Variants in XYLT2 observed in about 807,000 individuals in gnomAD.
XYLT2 encodes UDP-D-xylose:proteoglycan core protein beta-D-xylosyltransferase.
XYLT2 carries 37 observed loss-of-function variants against 82.6 expected under a neutral mutation model. The ratio of observed to expected loss-of-function variants is 0.45; its 90% CI spans 0.34 to 0.59. The LOEUF (loss-of-function observed/expected upper bound fraction) is 0.59. XYLT2 is among the 20% of genes least tolerant of loss of function. The pLI is 0.01. For synonymous variants in XYLT2, 474 were observed against 499.0 expected, an observed-to-expected ratio of 0.95 and a Z score of 0.67; for missense variants, 934 against 1,181.3, an observed-to-expected ratio of 0.79 and a Z score of 3.07.
rs1353598617 is a variant in XYLT2 at position 50,360,562 on chromosome 17, C to CTT, written c.*278_*279dup. On this transcript the variant is annotated 3_prime_UTR_variant, in exon 11 of 11. Transcript: ENST00000017003. ...TCACCTTCCTGTCTAGTTTGAATTT[C>CTT]TTTTTTTTCTTTTTTTTTTTTTTTT... is the stretch of plus-strand genomic sequence containing the variant. 6.6e-5 allele frequency: 67 copies of CTT among 1,014,020 alleles called. No homozygotes were observed. Among genetic ancestry groups the CTT allele is most frequent in the Admixed American group, 8.9e-5 (1 of 11,238 alleles). 62.8% of individuals were successfully genotyped at this position (1,014,020 alleles called of 1,614,324 possible).
In XYLT2 at chr17:50,355,990, C is replaced by T; in HGVS notation, c.1298C>T (p.Pro433Leu). The change falls in exon 6 of 11, where the codon CCA becomes CTA. Residue 433 changes from proline (P) to leucine (L), a missense_variant. By Grantham distance (98) the Pro-to-Leu change is moderately conservative. Coordinates refer to ENST00000017003, the MANE Select transcript of XYLT2 (RefSeq NM_022167.4). ...LRQFYTYTLL[P>L]AESFFHTVLE... ...CAGTTCTACACATACACACTGCTCC[C>T]AGCCGAGGTGGGTAGCCCAGCAGGC... 1 of 1,614,248 alleles carries T rather than the reference C, an allele frequency of 6.2e-7. No individual in the cohort carries two copies. Among genetic ancestry groups the T allele is most frequent in the Admixed American group, 1.7e-5 (1 of 60,022 alleles).
chr17:50,357,025 G>A, intron 8 of XYLT2, 32 bp from the exon 9 acceptor site: 2 of 1,563,808 alleles, frequency 1.3e-6, no homozygotes, highest in Middle Eastern at 1.7e-4. Flanking sequence ...GTGTGCTGAT[G>A]GCATCTCCCT....
rs116186694 is a variant in XYLT2 at position 50,350,962 on chromosome 17, C to T, written c.136-2668C>T. Among the ~76,000 whole-genome samples the T allele has an allele frequency of 7.0e-3, 1,059 of 152,192 alleles. 12 individuals carry two copies. The highest frequency in any genetic ancestry group is 0.025 in the African/African-American group (1,022 of 41,512). On this transcript the variant is annotated intron_variant, in intron 1 of 10. Transcript: ENST00000017003. Reference sequence around the variant, plus strand: ...GGATGAGGGGACGCAGAGAAAACCACTGTGGCTGCAGGAGAGTGAGCATGA... The same window carrying T: ...GGATGAGGGGACGCAGAGAAAACCATTGTGGCTGCAGGAGAGTGAGCATGA...
At chr17:50,352,504 A>G (rs77250505) in intron 1 of XYLT2, among the ~76,000 whole-genome samples, 29,982 of 152,218 alleles carry the variant, frequency 0.2, 3,289 homozygotes, top group Middle Eastern at 0.3. Flanking sequence ...GGCAAATGGA[A>G]TGGCTGCATG....
At chr17:50,347,985 A>T (rs1316879038) in intron 1 of XYLT2, among the ~76,000 whole-genome samples, 3 of 152,350 alleles carry the variant, frequency 2.0e-5, no homozygotes, top group Middle Eastern at 3.4e-3. Context: ...TTAGGTGATT[A>T]TAAAGATTAA....
intron 1 of XYLT2, 41 bp from the exon 2 acceptor site, chr17:50,353,589 T>G: frequency 6.5e-7 from 1 of 1,532,442 alleles, no homozygotes; most frequent in Non-Finnish European, 8.8e-7. Flanking sequence ...CAGGAGGAGG[T>G]GAGGGTCTGC....
rs891669035 is a variant in XYLT2, at chr17:50,360,824, G to T, written c.*533G>T. ...CCACAGGGCTGCAAGTGCCCTGCCA[G>T]GCTCTAAGGCCCGAAGAACAGGTGA... is the stretch of plus-strand genomic sequence containing the variant. On this transcript the variant is annotated 3_prime_UTR_variant, in exon 11 of 11. Coordinates refer to ENST00000017003, the MANE Select transcript of XYLT2 (RefSeq NM_022167.4). 4.1e-6 allele frequency: 4 copies of T among 985,880 alleles called. No homozygotes were observed. The African/African-American group carries it at 7.0e-5, about 17-fold the overall frequency. The allele number at this position is 985,880 out of a possible 1,614,324, so 61.1% of individuals were successfully genotyped here.
At position 50,355,794 on chromosome 17, in the gene XYLT2, CAG is replaced by C; in HGVS notation, c.1103_1104del (p.Gln368ArgfsTer8). 6.2e-7 allele frequency: 1 copy of C among 1,614,224 alleles called. No individual in the cohort carries two copies. Among genetic ancestry groups the C allele is most frequent in the Non-Finnish European group, 8.5e-7 (1 of 1,180,046 alleles). On this transcript the variant is annotated frameshift_variant, in exon 6 of 11. Transcript: ENST00000017003. LOFTEE classifies it high-confidence loss of function. ...GRDNSRFIKK[Q>X]GLDRLFHECD... is the part of the protein sequence containing the mutation. ...TGCTGCCCACAGGTTCATCAAGAAA[CAG>C]GGCCTGGACCGGCTCTTCCATGAGT...
intron 2 of XYLT2, 104 bp from the exon 3 acceptor site, chr17:50,354,304 T>A (rs954264470): frequency 6.7e-7 from 1 of 1,501,086 alleles, no homozygotes; most frequent in African/African-American, 1.4e-5. Flanking sequence ...AGCATGGAGC[T>A]CCAAGTCTAG....
chr17:50,360,209 G>A lies in XYLT2; in HGVS notation c.2516G>A (p.Cys839Tyr). The A allele has an allele frequency of 6.2e-7, 1 of 1,614,094 alleles. No homozygotes were observed. Among genetic ancestry groups the A allele is most frequent in the Non-Finnish European group, 8.5e-7 (1 of 1,180,008 alleles). ...GPSPCPSLEP[C>Y]RLTSWSSLSP... ...TCTCCCTGCCCCTCCCTGGAGCCCT[G>A]CAGACTGACCAGCTGGAGCTCTCTG... The change falls in exon 11 of 11, where the codon TGC becomes TAC. Residue 839 changes from cysteine to tyrosine, a missense_variant. Transcript: ENST00000017003.
Position 50,355,511 on chromosome 17 carries a change from G to A in XYLT2, c.1018G>A (p.Glu340Lys), listed in dbSNP as rs1265000132. 1 of 1,614,168 alleles carries A rather than the reference G, an allele frequency of 6.2e-7. No homozygotes were observed. The highest frequency in any genetic ancestry group is 8.5e-7 in the Non-Finnish European group (1 of 1,180,030). ...CCATTCCTTCACCAGGACCAATGAGGAGCTGGTGGCATTCCTATCCAAGAA... is the reference window on the plus strand; with the variant it reads ...CCATTCCTTCACCAGGACCAATGAGAAGCTGGTGGCATTCCTATCCAAGAA... ...ATDYPTRTNE[E>K]LVAFLSKNRD... The change falls in exon 5 of 11, where the codon GAG (glutamate) becomes AAG (lysine). Residue 340 changes from glutamate to lysine, a missense_variant. This residue lies in a region of XYLT2 where 189 missense variants were observed against 320.8 expected (regional missense o/e 0.59). Coordinates refer to ENST00000017003, the MANE Select transcript of XYLT2 (RefSeq NM_022167.4).
Position 50,359,995 on chromosome 17 carries a change from C to A in XYLT2, c.2302C>A (p.Pro768Thr), listed in dbSNP as rs1360724641. The change falls in exon 11 of 11, where the codon CCA becomes ACA. Residue 768 changes from proline (P) to threonine (T), a missense_variant. Pro to Thr is a conservative substitution (Grantham distance 38). This residue lies in a region of XYLT2 where 374 missense variants were observed against 465.6 expected (regional missense o/e 0.80). Transcript: ENST00000017003. ...KDDASWLHAG[P>T]PHNEYMEQSF... ...TGATGCCAGCTGGCTGCACGCAGGG[C>A]CACCCCACAACGAGTACATGGAGCA... 1.9e-6 allele frequency: 3 copies of A among 1,608,966 alleles called. No homozygotes were observed. The highest frequency in any genetic ancestry group is 2.5e-6 in the Non-Finnish European group (3 of 1,176,928).
chr17:50,346,172 T>G lies in XYLT2; in HGVS notation c.32T>G (p.Val11Gly), dbSNP rs1269448385. MVASARVQKL[V>G]RRYKLAIATA... Reference sequence around the variant, plus strand: ...GCGAGCGCGCGAGTGCAGAAGCTGGTGCGGCGCTACAAGCTGGCGATTGCC... The same window carrying G: ...GCGAGCGCGCGAGTGCAGAAGCTGGGGCGGCGCTACAAGCTGGCGATTGCC... The change falls in exon 1 of 11, where the codon GTG (valine) becomes GGG (glycine). Residue 11 changes from valine to glycine, a missense_variant. Physicochemically the swap from Val to Gly is moderately radical, Grantham distance 109 (BLOSUM62 -3). Around this residue, in one of 3 missense-constraint regions of XYLT2, gnomAD observed 371 missense variants for 394.9 expected, o/e 0.94. Transcript: ENST00000017003. This position sits in a 1 kb window ranked among gnomAD's most constrained non-coding sequence, Gnocchi z 5.1. 3.1e-6 allele frequency: 4 copies of G among 1,286,344 alleles called. No individual in the cohort carries two copies. The highest frequency in any genetic ancestry group is 1.6e-5 in the African/African-American group (1 of 62,964). The allele number at this position is 1,286,344 out of a possible 1,614,324, so 79.7% of individuals were successfully genotyped here. A position where few individuals can be genotyped will look rare whatever the true frequency, so the allele number is the denominator to read the frequency against.
At position 50,354,998 on chromosome 17, in the gene XYLT2, G is replaced by C; in HGVS notation, c.949G>C (p.Val317Leu). The C allele has an allele frequency of 6.5e-7, 1 of 1,549,246 alleles. No homozygotes were observed. Among genetic ancestry groups the C allele is most frequent in the Non-Finnish European group, 8.7e-7 (1 of 1,147,974 alleles). ...GCGGAGCATGCGGGACCTGCTAGAG[G>C]TGCCTGGCTGGGCCTGGGACTTCTT... The part of the protein sequence containing the change: ...YLRSMRDLLE[V>L]PGWAWDFFIN... The change falls in exon 4 of 11, where the codon GTG (valine) becomes CTG (leucine). Residue 317 changes from valine (V) to leucine (L), a missense_variant. Val to Leu is a conservative substitution (Grantham distance 32). Around this residue, in one of 3 missense-constraint regions of XYLT2, gnomAD observed 189 missense variants for 320.8 expected, o/e 0.59. Coordinates refer to ENST00000017003, the MANE Select transcript of XYLT2 (RefSeq NM_022167.4).
At chr17:50,347,327 G>A (rs1912085403) in intron 1 of XYLT2, among the ~76,000 whole-genome samples, 2 of 152,172 alleles carry the variant, frequency 1.3e-5, no homozygotes, top group Non-Finnish European at 2.9e-5. Context: ...ACCCCTTACC[G>A]CATCTCGCCA....
At chr17:50,356,819 C>A (rs764165191) in intron 8 of XYLT2, 46 bp downstream of exon 8, 37 of 1,562,734 alleles carry the variant, frequency 2.4e-5, no homozygotes, top group Non-Finnish European at 3.1e-5. Context: ...GGTGTGGTGC[C>A]CTAGGGGGAG....
At position 50,356,095 on chromosome 17, in the gene XYLT2, A is replaced by G; in HGVS notation, c.1316A>G (p.His439Arg). The change falls in exon 7 of 11, where the codon CAC becomes CGC. Residue 439 changes from histidine to arginine, a missense_variant. Physicochemically the swap from His to Arg is conservative, Grantham distance 29. Coordinates refer to ENST00000017003, the MANE Select transcript of XYLT2 (RefSeq NM_022167.4). ...CCTTGCTGCTTGCAGTCCTTCTTCCACACGGTGCTGGAGAACAGCCTGGCC... is the reference window on the plus strand; with the variant it reads ...CCTTGCTGCTTGCAGTCCTTCTTCCGCACGGTGCTGGAGAACAGCCTGGCC... ...YTLLPAESFF[H>R]TVLENSLACE... 1 of 1,614,186 alleles carries G rather than the reference A, an allele frequency of 6.2e-7. No homozygotes were observed. Among genetic ancestry groups the G allele is most frequent in the Non-Finnish European group, 8.5e-7 (1 of 1,179,992 alleles).
intron 8 of XYLT2, 122 bp from the exon 9 acceptor site, chr17:50,356,935 G>A (rs1912567746): frequency 2.1e-6 from 3 of 1,459,660 alleles, no homozygotes; most frequent in Non-Finnish European, 2.8e-6. Context: ...CAGGTGCTGT[G>A]GGGGTGAGAT....
chr17:50,355,623 C>T lies in XYLT2; in HGVS notation c.1088+42C>T, dbSNP rs530034674. 9 of 1,609,976 alleles carry T rather than the reference C, an allele frequency of 5.6e-6. No individual in the cohort carries two copies. In the South Asian group the frequency reaches 9.9e-5, roughly 18 times the overall value. On this transcript the variant is annotated intron_variant, in intron 5 of 10. Coordinates refer to ENST00000017003, the MANE Select transcript of XYLT2 (RefSeq NM_022167.4). ...GGAGGCCCTGGCCCCAGAGTCTTGT[C>T]CCAACCCCTCCCACACAGTTGGGCT...
Sources: allele counts gnomAD v4.1 joint callset (sites outside exome capture counted in the v4.1 genomes callset), GRCh38; gene constraint gnomAD v4.1.1; regional missense constraint gnomAD v4.1.1; non-coding constraint Gnocchi (gnomAD v3.1); transcripts MANE v1.5; gene names NCBI Gene and HGNC (gene_info 2026-07-23, HGNC 2026-07-21).